The following DOCK9 variants were observed in gnomAD, a reference collection of about 807,000 sequenced individuals.
The protein encoded by DOCK9 is dedicator of cytokinesis protein 9.
A neutral mutation model predicts 263.3 loss-of-function variants in DOCK9; 89 were observed. The observed-to-expected ratio is 0.34, with a 90% CI of 0.28 to 0.40. The LOEUF is 0.40. Ranked by LOEUF, DOCK9 falls within the 10% of genes least tolerant of loss-of-function variation. The pLI, the probability that DOCK9 is intolerant of heterozygous loss-of-function variation, is 1.00. For missense variants in DOCK9, 2,140 were observed against 2,603.4 expected, an observed-to-expected ratio of 0.82 and a Z score of 3.87; for synonymous variants, 976 against 973.1, an observed-to-expected ratio of 1.00 and a Z score of -0.06.
upstream of DOCK9, among the ~76,000 whole-genome samples, chr13:98,981,361 C>T (rs767940589): frequency 4.6e-5 from 7 of 152,110 alleles, no homozygotes; most frequent in Non-Finnish European, 8.8e-5. Flanking sequence ...CTGGCCCAAG[C>T]AAGTAAAAAT....
At chr13:98,868,187 A>T (rs143064488) in intron 28 of DOCK9, 44 bp downstream of exon 28, 2 of 1,606,774 alleles carry the variant, frequency 1.2e-6, no homozygotes, top group Non-Finnish European at 1.7e-6. Flanking sequence ...TAAAAAGCAC[A>T]TCTTTGTCCC....
At chr13:98,955,133 C>A (rs1354233882) in intron 2 of DOCK9, among the ~76,000 whole-genome samples, 1 of 152,030 alleles carries the variant, frequency 6.6e-6, no homozygotes, top group African/African-American at 2.4e-5. Flanking sequence ...CCCTGGCCAC[C>A]GTGGCAAAAC....
intron 27 of DOCK9, 95 bp from the exon 28 acceptor site, chr13:98,868,472 C>T (rs998934263): frequency 2.9e-6 from 4 of 1,390,774 alleles, no homozygotes; most frequent in African/African-American, 2.9e-5. Context: ...TTAAAAAACC[C>T]AGAGTTTCTA....
At chr13:98,987,887 A>G (rs952069658) in intron 1 of DOCK9, among the ~76,000 whole-genome samples, 1 of 152,214 alleles carries the variant, frequency 6.6e-6, no homozygotes, top group African/African-American at 2.4e-5. Flanking sequence ...GAGAGCCACA[A>G]AAAATATTGG....
chr13:98,867,431 A>G lies in DOCK9; in HGVS notation c.3280T>C (p.Tyr1094His). 3.2e-6 allele frequency: 5 copies of G among 1,569,946 alleles called. No homozygotes were observed. Among genetic ancestry groups the G allele is most frequent in the Non-Finnish European group, 3.5e-6 (4 of 1,143,118 alleles). ...AGAAATAAAGATGGATTACCTTGGTATCTTTGAATCCTGCCTTTTCCAAAT... is the reference window on the plus strand; with the variant it reads ...AGAAATAAAGATGGATTACCTTGGTGTCTTTGAATCCTGCCTTTTCCAAAT... ...MPFGKGRIQRYQDLQLDYSLT... is the reference protein window; with the variant it reads ...MPFGKGRIQRHQDLQLDYSLT... The change falls in exon 30 of 53, where the codon TAC (tyrosine) becomes CAC (histidine). Residue 1094 changes from tyrosine (Y) to histidine (H), a missense_variant. This residue lies in a region of DOCK9 where 1,521 missense variants were observed against 1,741.7 expected (regional missense o/e 0.87). Coordinates refer to ENST00000682017, the MANE Select transcript of DOCK9 (RefSeq NM_001366683.2).
At chr13:98,861,584 A>C (rs9584957) in intron 32 of DOCK9, among the ~76,000 whole-genome samples, 1 of 152,166 alleles carries the variant, frequency 6.6e-6, no homozygotes. Flanking sequence ...TTATAGGTTA[A>C]CCTTTAAAAA....
At chr13:98,821,845 C>T (rs1207132119) in intron 45 of DOCK9, among the ~76,000 whole-genome samples, 2 of 152,156 alleles carry the variant, frequency 1.3e-5, no homozygotes, top group Non-Finnish European at 2.9e-5. Context: ...ACATCTCAGG[C>T]ATTTAATTAT....
At chr13:99,044,239 A>G (rs1280701850) in intron 1 of DOCK9, among the ~76,000 whole-genome samples, 4 of 152,202 alleles carry the variant, frequency 2.6e-5, no homozygotes, top group African/African-American at 9.7e-5. Flanking sequence ...AAACACAGAC[A>G]TTGAGTGAAG....
At chr13:98,873,822 T>C (rs2094253275) in intron 27 of DOCK9, among the ~76,000 whole-genome samples, 1 of 152,216 alleles carries the variant, frequency 6.6e-6, no homozygotes. Context: ...GTCTCTGTCA[T>C]AGCCACTGAA....
At position 99,063,895 on chromosome 13, in the gene DOCK9, A is replaced by G. The variant is rs1041191027; in HGVS notation, c.129+22328T>C. Among the ~76,000 whole-genome samples, 21 of 152,128 alleles carry G rather than the reference A, an allele frequency of 1.4e-4. 1 individual carries two copies. Among genetic ancestry groups the G allele is most frequent in the Non-Finnish European group, 2.4e-4 (16 of 68,010 alleles). ...TCAGTTATAAACAGTTGACACACCA[A>G]CCTGTCCGCAGGTTTCACGCTGAGG... is the stretch of plus-strand genomic sequence containing the variant. On this transcript the variant is annotated intron_variant, in intron 1 of 32. Coordinates refer to the DOCK9 transcript ENST00000427887.
intron 33 of DOCK9, chr13:98,857,745 A>C (rs2141756911): frequency 6.6e-6 from 1 of 152,366 alleles, no homozygotes; most frequent in South Asian, 2.1e-4. Context: ...ATTTGAAAAA[A>C]GAAGCAAAGG....
chr13:99,086,111 C>G (rs1316500730), intron 1 of DOCK9: 2 of 1,344,922 alleles, frequency 1.5e-6, no homozygotes, highest in African/African-American at 3.1e-5. Flanking sequence ...GCGGACCCAG[C>G]AGGGTCGGCC....
chr13:98,894,073 C>T lies in DOCK9; in HGVS notation c.1709+3415G>A, dbSNP rs151201273. ...TCTGCCTGGCCACAGGCTTTCTGCT[C>T]CCATCACTTTCAAATTAGTGACCAT... On this transcript the variant is annotated intron_variant, in intron 15 of 52. Coordinates refer to ENST00000682017, the MANE Select transcript of DOCK9 (RefSeq NM_001366683.2). 1.9e-3 allele frequency among the ~76,000 whole-genome samples: 282 copies of T among 152,274 alleles called. 4 individuals carry two copies. The highest frequency in any genetic ancestry group is 6.4e-3 in the African/African-American group (267 of 41,534).
At chr13:98,888,764 G>A (rs768798962) in intron 15 of DOCK9, 53 bp from the exon 16 acceptor site, 92 of 1,465,844 alleles carry the variant, frequency 6.3e-5, no homozygotes, top group Middle Eastern at 2.1e-4. Flanking sequence ...CTCTAAAACC[G>A]ACACTCTAGA....
At chr13:98,929,141 A>G (rs1246240017) in intron 3 of DOCK9, among the ~76,000 whole-genome samples, 1 of 152,226 alleles carries the variant, frequency 6.6e-6, no homozygotes, top group Non-Finnish European at 1.5e-5. Context: ...GTGCACTTAA[A>G]GAAACAAAAT....
At chr13:98,944,711 G>A (rs371201359) in intron 2 of DOCK9, among the ~76,000 whole-genome samples, 12 of 152,208 alleles carry the variant, frequency 7.9e-5, no homozygotes, top group East Asian at 3.9e-4. Context: ...TGGGAACAGC[G>A]AGGAAGGCGG....
intron 1 of DOCK9, among the ~76,000 whole-genome samples, chr13:98,974,507 T>C (rs1428795131): frequency 7.2e-5 from 11 of 152,102 alleles, no homozygotes; most frequent in Admixed American, 2.6e-4. Flanking sequence ...CCCAGCACTT[T>C]GGGAGGCCAA....
chr13:98,888,666 G>A lies in DOCK9; in HGVS notation c.1755C>T (p.Asp585=), dbSNP rs1321607406. ...AKLPVILGNL[D]ITIDNVSSDF... ...CTGAGGAAACATTATCAATTGTAAT[G>A]TCTAGATTGCCTAAAATCACTGGGA... is the stretch of plus-strand genomic sequence containing the variant. Residue 585 remains aspartate, a synonymous_variant, in exon 16 of 53, where the codon GAC becomes GAT. Coordinates refer to ENST00000682017, the MANE Select transcript of DOCK9 (RefSeq NM_001366683.2). 5 of 1,613,780 alleles carry A rather than the reference G, an allele frequency of 3.1e-6. No homozygotes were observed. The South Asian group carries it at 5.5e-5, about 18-fold the overall frequency.
At position 98,888,615 on chromosome 13, in the gene DOCK9, G is replaced by A; in HGVS notation, c.1789+17C>T. On this transcript the variant is annotated intron_variant, in intron 16 of 52. Coordinates refer to ENST00000682017, the MANE Select transcript of DOCK9 (RefSeq NM_001366683.2). ...AACTAATAAAAATTCTGTCTATTATGTAGAACTGACACTTACTAGGGAAGT... is the reference window on the plus strand; with the variant it reads ...AACTAATAAAAATTCTGTCTATTATATAGAACTGACACTTACTAGGGAAGT... The A allele has an allele frequency of 3.1e-6, 5 of 1,613,044 alleles. No individual in the cohort carries two copies. Among genetic ancestry groups the A allele is most frequent in the Non-Finnish European group, 3.4e-6 (4 of 1,179,150 alleles).
Sources: allele counts gnomAD v4.1 joint callset (sites outside exome capture counted in the v4.1 genomes callset), GRCh38; gene constraint gnomAD v4.1.1; regional missense constraint gnomAD v4.1.1; transcripts MANE v1.5; gene names NCBI Gene and HGNC (gene_info 2026-07-23, HGNC 2026-07-21).